Variants in IMMP2L observed in about 807,000 individuals in gnomAD.
IMMP2L encodes mitochondrial inner membrane protease subunit 2.
In IMMP2L, 18 loss-of-function variants were observed where a neutral mutation model predicts 19.3. The ratio of observed to expected loss-of-function variants is 0.93; its 90% confidence interval spans 0.64 to 1.38. The LOEUF is 1.38. Among genes scored for constraint, IMMP2L ranks in the 40% most tolerant of loss-of-function variants. The pLI, the probability that IMMP2L is intolerant of heterozygous loss-of-function variation, is 0.00. For synonymous variants in IMMP2L, 76 were observed against 73.0 expected, an observed-to-expected ratio of 1.04 and a Z score of -0.21; for missense variants, 233 against 218.2, an observed-to-expected ratio of 1.07 and a Z score of -0.43.
At chr7:111,390,126 G>A (rs186469806) in intron 3 of IMMP2L, among the ~76,000 whole-genome samples, 3 of 152,280 alleles carry the variant, frequency 2.0e-5, no homozygotes, top group Non-Finnish European at 4.4e-5. Flanking sequence ...AGTGCAGTCA[G>A]TAGACAGCCG....
chr7:110,866,128 T>C (rs964004746), intron 5 of IMMP2L, among the ~76,000 whole-genome samples: 8 of 152,038 alleles, frequency 5.3e-5, no homozygotes, highest in Admixed American at 2.0e-4. Flanking sequence ...ATAAATCTTA[T>C]CCTTGAGTAT....
chr7:111,355,589 CAGAAAA>C (rs1695258534), intron 3 of IMMP2L, among the ~76,000 whole-genome samples: 2 of 151,582 alleles, frequency 1.3e-5, no homozygotes, highest in South Asian at 4.2e-4. Flanking sequence ...CTACTCAAAA[CAGAAAA>C]ACAATAAAAA....
intron 5 of IMMP2L, among the ~76,000 whole-genome samples, chr7:110,691,716 C>T (rs1793519328): frequency 6.6e-6 from 1 of 152,014 alleles, no homozygotes; most frequent in South Asian, 2.1e-4. Context: ...AAATGCACAT[C>T]ACTAATCATC....
chr7:110,923,541 T>C (rs994291742), intron 4 of IMMP2L, among the ~76,000 whole-genome samples: 1 of 152,222 alleles, frequency 6.6e-6, no homozygotes. Flanking sequence ...CTTTATTATA[T>C]GTCTACACAC....
chr7:111,011,148 T>C (rs544361113), intron 3 of IMMP2L, among the ~76,000 whole-genome samples: 1 of 152,174 alleles, frequency 6.6e-6, no homozygotes, highest in East Asian at 1.9e-4. Flanking sequence ...AGAAAAAAAG[T>C]ACCCACTAAA....
intron 3 of IMMP2L, among the ~76,000 whole-genome samples, chr7:111,276,676 G>GA (rs1356493851): frequency 6.7e-6 from 1 of 148,578 alleles, no homozygotes; most frequent in Non-Finnish European, 1.5e-5. Context: ...ATCCTAAGGG[G>GA]AAAAAAAGCT....
At chr7:111,542,960 C>T (rs1848618415) in intron 1 of IMMP2L, among the ~76,000 whole-genome samples, 1 of 152,050 alleles carries the variant, frequency 6.6e-6, no homozygotes, top group South Asian at 2.1e-4. Context: ...AAATTCTGCC[C>T]TTTTGCAATT....
intron 5 of IMMP2L, among the ~76,000 whole-genome samples, chr7:110,837,414 A>C (rs962748128): frequency 3.9e-5 from 6 of 151,996 alleles, no homozygotes; most frequent in African/African-American, 1.4e-4. Flanking sequence ...AGCAAGAAAG[A>C]GGTAAGGGTG....
intron 5 of IMMP2L, among the ~76,000 whole-genome samples, chr7:110,773,157 GTAT>G (rs1433996340): frequency 6.6e-6 from 1 of 152,016 alleles, no homozygotes. Context: ...AGAAAAAGTG[GTAT>G]TATTAGTTTA....
chr7:110,722,220 T>C (rs527808972), intron 5 of IMMP2L, among the ~76,000 whole-genome samples: 2 of 152,130 alleles, frequency 1.3e-5, no homozygotes, highest in East Asian at 3.9e-4. Context: ...TGTTGAGTAA[T>C]GGGATGTAAT....
chr7:110,913,070 A>C (rs1024690544), intron 4 of IMMP2L, among the ~76,000 whole-genome samples: 1 of 152,160 alleles, frequency 6.6e-6, no homozygotes, highest in African/African-American at 2.4e-5. Flanking sequence ...TGTAGTTTCC[A>C]TGCTTTGTTG....
intron 5 of IMMP2L, among the ~76,000 whole-genome samples, chr7:110,792,722 T>C (rs114806999): frequency 0.013 from 2,046 of 152,224 alleles, 46 homozygotes; most frequent in African/African-American, 0.047. Context: ...AAGGTCACTC[T>C]TAATGTTGTA....
chr7:110,735,138 C>G (rs940627295), intron 5 of IMMP2L, among the ~76,000 whole-genome samples: 3 of 152,148 alleles, frequency 2.0e-5, no homozygotes, highest in African/African-American at 7.2e-5. Flanking sequence ...AATTCCATCT[C>G]CTGACACGTG....
At chr7:110,807,167 G>C (rs1368547108) in intron 5 of IMMP2L, among the ~76,000 whole-genome samples, 1 of 151,932 alleles carries the variant, frequency 6.6e-6, no homozygotes, top group Non-Finnish European at 1.5e-5. Context: ...TACATTCCTT[G>C]TATGTGCTTA....
chr7:111,146,274 G>T (rs1443142326), intron 3 of IMMP2L, among the ~76,000 whole-genome samples: 1 of 149,212 alleles, frequency 6.7e-6, no homozygotes. Flanking sequence ...AGGGAGGGAG[G>T]GAGGGAAGAT....
At chr7:110,669,085 G>A (rs1175044116) in intron 5 of IMMP2L, among the ~76,000 whole-genome samples, 8,343 of 103,690 alleles carry the variant, frequency 0.08, 348 homozygotes, top group African/African-American at 0.21. Flanking sequence ...GTGTGTGTGT[G>A]TGTGTATATG....
At chr7:110,998,113 T>C (rs1823237492) in intron 3 of IMMP2L, among the ~76,000 whole-genome samples, 1 of 152,154 alleles carries the variant, frequency 6.6e-6, no homozygotes, top group Admixed American at 6.6e-5. Flanking sequence ...TTTCTCAGAA[T>C]ATCAGGATAT....
chr7:111,501,967 T>C (rs1383740708), intron 2 of IMMP2L, among the ~76,000 whole-genome samples: 1 of 152,010 alleles, frequency 6.6e-6, no homozygotes, highest in African/African-American at 2.4e-5. Flanking sequence ...AATTCACACA[T>C]AACAATATTA....
At chr7:110,773,911 A>T (rs1032484935) in intron 5 of IMMP2L, among the ~76,000 whole-genome samples, 5 of 139,322 alleles carry the variant, frequency 3.6e-5, no homozygotes, top group African/African-American at 1.3e-4. Context: ...GGGTAAAATA[A>T]AAAAAAAAAA....
Sources: gnomAD v4.1 joint callset for allele counts (sites outside exome capture counted in the v4.1 genomes callset) on GRCh38, gnomAD v4.1.1 for gene constraint, MANE v1.5 for transcripts, NCBI Gene and HGNC (gene_info 2026-07-23, HGNC 2026-07-21) for gene names.